GABRG3: variants seen among roughly 807,000 people sequenced by gnomAD.
The protein encoded by GABRG3 is gamma-aminobutyric acid receptor subunit gamma-3.
A neutral mutation model predicts 48.8 loss-of-function variants in GABRG3; 25 were observed. The observed-to-expected ratio is 0.51, with a 90% CI of 0.37 to 0.72. GABRG3 has a LOEUF of 0.72. Among genes scored for constraint, GABRG3 ranks in the 30% least tolerant of loss-of-function variants. The pLI is 0.00. For synonymous variants in GABRG3, 227 were observed against 217.6 expected (o/e 1.04, Z -0.38); for missense variants, 394 against 577.9 (o/e 0.68, Z 3.26).
chr15:27,075,594 A>C (rs1215840524), intron 3 of GABRG3, among the ~76,000 whole-genome samples: 2 of 144,940 alleles, frequency 1.4e-5, no homozygotes, highest in African/African-American at 2.6e-5. Flanking sequence ...TGAATAATTC[A>C]TGGGACCTGA....
intron 5 of GABRG3, among the ~76,000 whole-genome samples, chr15:27,413,887 T>C (rs562778273): frequency 5.9e-5 from 9 of 152,238 alleles, no homozygotes; most frequent in Non-Finnish European, 1.0e-4. Context: ...AGTTAATTAA[T>C]GTTCATGTTT....
intron 3 of GABRG3, among the ~76,000 whole-genome samples, chr15:27,133,754 A>G (rs913793327): frequency 6.6e-6 from 1 of 152,238 alleles, no homozygotes; most frequent in Non-Finnish European, 1.5e-5. Context: ...GATGAAGAGC[A>G]AATTGTTACA....
At chr15:27,037,873 C>T (rs1896206221) in intron 3 of GABRG3, among the ~76,000 whole-genome samples, 1 of 152,160 alleles carries the variant, frequency 6.6e-6, no homozygotes, top group Admixed American at 6.5e-5. Flanking sequence ...GATCATGGTG[C>T]TCCTGCTCTG....
intron 3 of GABRG3, among the ~76,000 whole-genome samples, chr15:27,206,640 C>T (rs1888860567): frequency 6.6e-6 from 1 of 152,028 alleles, no homozygotes; most frequent in African/African-American, 2.4e-5. Flanking sequence ...CTAATACTGT[C>T]CGTTGGGGGT....
intron 5 of GABRG3, among the ~76,000 whole-genome samples, chr15:27,388,032 AAAGG>A (rs1351986434): frequency 2.5e-4 from 15 of 60,278 alleles, no homozygotes; most frequent in East Asian, 5.4e-4. Context: ...GGGAGGGAGG[AAAGG>A]AAGGAAGGAA....
chr15:27,410,544 T>A (rs1462290844), intron 5 of GABRG3, among the ~76,000 whole-genome samples: 1 of 152,160 alleles, frequency 6.6e-6, no homozygotes, highest in Non-Finnish European at 1.5e-5. Context: ...TATATTTAAT[T>A]TGTGTAATAG....
intron 5 of GABRG3, among the ~76,000 whole-genome samples, chr15:27,338,281 G>A (rs535206192): frequency 6.6e-6 from 1 of 152,226 alleles, no homozygotes; most frequent in Non-Finnish European, 1.5e-5. Flanking sequence ...ACTTCTTGTG[G>A]ACGTGCTGTT....
chr15:27,332,842 A>G (rs1477955750), intron 5 of GABRG3, among the ~76,000 whole-genome samples: 1 of 152,152 alleles, frequency 6.6e-6, no homozygotes, highest in Non-Finnish European at 1.5e-5. Context: ...AACATTTACT[A>G]TATAACATGT....
chr15:27,415,895 C>T (rs949220168), intron 5 of GABRG3, among the ~76,000 whole-genome samples: 3 of 152,240 alleles, frequency 2.0e-5, no homozygotes, highest in East Asian at 3.9e-4. Flanking sequence ...ACTCTATGGT[C>T]ACCTTACTGA....
At chr15:27,302,469 CAG>C (rs1475649709) in intron 3 of GABRG3, among the ~76,000 whole-genome samples, 3 of 152,034 alleles carry the variant, frequency 2.0e-5, no homozygotes, top group African/African-American at 7.2e-5. Flanking sequence ...CATCAAACAA[CAG>C]AGATGCAACA....
At chr15:27,490,776 T>G (rs1039144011) in intron 6 of GABRG3, among the ~76,000 whole-genome samples, 4 of 152,138 alleles carry the variant, frequency 2.6e-5, no homozygotes, top group African/African-American at 9.7e-5. Flanking sequence ...CCCACTTCGC[T>G]CTCCATAACA....
intron 3 of GABRG3, among the ~76,000 whole-genome samples, chr15:27,306,394 A>T (rs1892449233): frequency 7.1e-6 from 1 of 140,392 alleles, no homozygotes; most frequent in Non-Finnish European, 1.5e-5. Context: ...CTACATGTAA[A>T]CATATATATA....
chr15:27,148,702 A>T (rs1898255627), intron 3 of GABRG3, among the ~76,000 whole-genome samples: 6 of 152,042 alleles, frequency 3.9e-5, no homozygotes, highest in Admixed American at 3.3e-4. Flanking sequence ...AACATAAAAA[A>T]ATCATTCTAT....
At chr15:27,517,839 T>C (rs747205500) in intron 6 of GABRG3, among the ~76,000 whole-genome samples, 28 of 152,218 alleles carry the variant, frequency 1.8e-4, no homozygotes, top group Non-Finnish European at 3.7e-4. Context: ...TGCTCTTTTA[T>C]TGCTTCAGGC....
intron 2 of GABRG3, among the ~76,000 whole-genome samples, chr15:27,008,825 G>A (rs1895634978): frequency 2.0e-5 from 3 of 152,148 alleles, no homozygotes; most frequent in Admixed American, 2.0e-4. Context: ...CTGCTCTGGG[G>A]TAAAGCTCAG....
chr15:26,996,454 T>C (rs1042522389), intron 2 of GABRG3, among the ~76,000 whole-genome samples: 1 of 152,060 alleles, frequency 6.6e-6, no homozygotes, highest in Non-Finnish European at 1.5e-5. Context: ...GAGCCTCTCT[T>C]GTATGTCATA....
intron 3 of GABRG3, among the ~76,000 whole-genome samples, chr15:27,306,747 T>C (rs1162674154): frequency 1.1e-4 from 13 of 121,770 alleles, no homozygotes; most frequent in African/African-American, 3.9e-4. Flanking sequence ...ATATACAATA[T>C]AAACATGTTT....
rs1894929541 is a variant in GABRG3 at position 26,975,698 on chromosome 15, C to G, written c.54-1304C>G. ...TCTTGTTAATTATAGATAATTTAGA[C>G]AATTCTCAAAATTAAGTTCCAGAAA... On this transcript the variant is annotated intron_variant, in intron 1 of 9. Transcript: ENST00000615808. The surrounding 1 kb of genome is among the most constrained non-coding windows in gnomAD (Gnocchi z 4.6). Among the ~76,000 whole-genome samples, 2 of 152,108 alleles carry G rather than the reference C, an allele frequency of 1.3e-5. No homozygotes were observed. Among genetic ancestry groups the G allele is most frequent in the South Asian group, 2.1e-4 (1 of 4,828 alleles).
intron 5 of GABRG3, among the ~76,000 whole-genome samples, chr15:27,373,615 T>C (rs1895485756): frequency 6.6e-6 from 1 of 152,216 alleles, no homozygotes. Flanking sequence ...GAATCAATAT[T>C]ACTAGCACTT....
Sources: gnomAD v4.1 joint callset for allele counts (sites outside exome capture counted in the v4.1 genomes callset) on GRCh38, gnomAD v4.1.1 for gene constraint, Gnocchi (gnomAD v3.1) non-coding constraint, MANE v1.5 for transcripts, NCBI Gene and HGNC (gene_info 2026-07-23, HGNC 2026-07-21) for gene names.